OGG1: variants seen among roughly 807,000 people sequenced by gnomAD.
The protein encoded by OGG1 is N-glycosylase/DNA lyase.
Under a neutral mutation model 42.3 loss-of-function variants are expected in OGG1, and 35 were observed. The ratio of observed to expected loss-of-function variants is 0.83; its 90% confidence interval spans 0.63 to 1.10. OGG1 has a LOEUF of 1.10. Ranked by LOEUF, OGG1 falls within the 50% of genes least tolerant of loss-of-function variation. OGG1 has a pLI of 0.00. For synonymous variants in OGG1, 189 were observed against 179.0 expected, an observed-to-expected ratio of 1.06 and a Z score of -0.44; for missense variants, 484 against 446.7, an observed-to-expected ratio of 1.08 and a Z score of -0.75.
chr3:9,760,843 T>C, downstream of OGG1: 1 of 1,595,574 alleles, frequency 6.3e-7, no homozygotes, highest in Non-Finnish European at 8.5e-7. Flanking sequence ...TGGGGCAGTC[T>C]CAGGGGTCAG....
chr3:9,785,709 A>C (rs950617717), intron 3 of OGG1, among the ~76,000 whole-genome samples: 1 of 152,228 alleles, frequency 6.6e-6, no homozygotes, highest in African/African-American at 2.4e-5. Flanking sequence ...GCAACGCACC[A>C]GGCAGTGTGC....
chr3:9,783,257 CAAT>C (rs1157617293), intron 3 of OGG1: 1 of 150,996 alleles, frequency 6.6e-6, no homozygotes, highest in Non-Finnish European at 1.5e-5. Context: ...AATCACACAA[CAAT>C]GTGAATATGG....
chr3:9,777,027 T>G (rs752319252), intron 2 of OGG1, among the ~76,000 whole-genome samples: 7 of 152,216 alleles, frequency 4.6e-5, no homozygotes, highest in African/African-American at 1.7e-4. Context: ...GCCATCACTT[T>G]CTTTTCAGCA....
rs371621260 is a variant in OGG1 at position 9,751,040 on chromosome 3, A to G, written c.233A>G (p.Tyr78Cys). The change falls in exon 2 of 7, where the codon TAC becomes TGC. Residue 78 changes from tyrosine to cysteine, a missense_variant. Transcript: ENST00000344629. The part of the protein sequence containing the change: ...QTEEQLHCTV[Y>C]RGDKSQASRP... ...GAGGAGCAGCTCCACTGCACTGTGT[A>G]CCGAGGAGACAAGAGCCAGGCTAGC... 4.3e-6 allele frequency: 7 copies of G among 1,613,902 alleles called. No homozygotes were observed. The African/African-American group carries it at 5.3e-5, about 12-fold the overall frequency.
downstream of OGG1, chr3:9,759,227 C>T (rs1280508656): frequency 4.3e-6 from 7 of 1,614,036 alleles, no homozygotes; most frequent in Non-Finnish European, 5.9e-6. Context: ...TTTCTCGGAC[C>T]CCATAGGCTG....
chr3:9,790,016 C>A, downstream of OGG1: 1 of 1,525,498 alleles, frequency 6.6e-7, no homozygotes, highest in Non-Finnish European at 8.8e-7. Context: ...CACAGAATAT[C>A]TCTTTCCTCT....
In OGG1 at chr3:9,757,201, C is replaced by T. The variant is rs962361538; in HGVS notation, c.*51C>T. Reference sequence around the variant, plus strand: ...CCCCAAGCACCTTCCCCTCCATTCCCCACTTCTCTCTCCCCATCCCCACCC... The same window carrying T: ...CCCCAAGCACCTTCCCCTCCATTCCTCACTTCTCTCTCCCCATCCCCACCC... On this transcript the variant is annotated 3_prime_UTR_variant, in exon 7 of 7. Transcript: ENST00000344629. The surrounding 1 kb of genome is among the most constrained non-coding windows in gnomAD (Gnocchi z 4.5). 1.2e-6 allele frequency: 2 copies of T among 1,613,698 alleles called. No individual in the cohort carries two copies. Among genetic ancestry groups the T allele is most frequent in the African/African-American group, 1.3e-5 (1 of 74,908 alleles).
downstream of OGG1, among the ~76,000 whole-genome samples, chr3:9,771,713 G>C (rs2078301762): frequency 6.6e-6 from 1 of 151,652 alleles, no homozygotes; most frequent in Non-Finnish European, 1.5e-5. Flanking sequence ...CACCCACTGA[G>C]CTAGGGGTTC....
At chr3:9,750,901 G>A in intron 1 of OGG1, 44 bp from the exon 2 acceptor site, 4 of 1,612,782 alleles carry the variant, frequency 2.5e-6, no homozygotes, top group Non-Finnish European at 3.4e-6. Flanking sequence ...AAGGGTGCAA[G>A]AAAGGAAATT....
At chr3:9,773,102 A>C (rs1367669118) in intron 2 of OGG1, among the ~76,000 whole-genome samples, 1 of 151,818 alleles carries the variant, frequency 6.6e-6, no homozygotes, top group African/African-American at 2.4e-5. Context: ...GGTGGCATGC[A>C]CCTGTATCCC....
chr3:9,788,310 ATC>A (rs1447653775), downstream of OGG1: 1 of 152,192 alleles, frequency 6.6e-6, no homozygotes, highest in Non-Finnish European at 1.5e-5. Flanking sequence ...CAGTGGCACA[ATC>A]TCAGCTCACT....
downstream of OGG1, among the ~76,000 whole-genome samples, chr3:9,788,395 G>A (rs965510848): frequency 7.3e-4 from 111 of 151,722 alleles, no homozygotes; most frequent in Non-Finnish European, 1.3e-3. Context: ...ACAGGCGCCC[G>A]CCACCACGCC....
chr3:9,782,776 G>C (rs2078508476), intron 3 of OGG1, among the ~76,000 whole-genome samples: 1 of 137,372 alleles, frequency 7.3e-6, no homozygotes, highest in Non-Finnish European at 1.6e-5. Flanking sequence ...GGGCAACAGA[G>C]TGAGACACCG....
At chr3:9,758,992 T>G (rs1204407567), downstream of OGG1, 1 of 603,712 alleles carries the variant, frequency 1.7e-6, no homozygotes, top group Non-Finnish European at 3.0e-6. Context: ...CTCAGTGCCC[T>G]CAGGATCAAG....
At chr3:9,752,120 A>G in intron 3 of OGG1, 171 bp downstream of exon 3, 1 of 647,158 alleles carries the variant, frequency 1.5e-6, no homozygotes, top group Non-Finnish European at 2.7e-6. Flanking sequence ...ATGCATCCCT[A>G]AAATGTCAGC....
At chr3:9,790,234 T>G (rs1283432687), downstream of OGG1, among the ~76,000 whole-genome samples, 1 of 152,262 alleles carries the variant, frequency 6.6e-6, no homozygotes, top group Non-Finnish European at 1.5e-5. Flanking sequence ...AGTCACATAC[T>G]GTTTAACAGA....
At chr3:9,755,910 A>C (rs182414410) in intron 4 of OGG1, among the ~76,000 whole-genome samples, 3 of 152,116 alleles carry the variant, frequency 2.0e-5, no homozygotes, top group Non-Finnish European at 4.4e-5. Flanking sequence ...TCACCTTTCA[A>C]AGCCTCAGTT....
chr3:9,760,596 A>G (rs188481420), downstream of OGG1: 6 of 1,563,214 alleles, frequency 3.8e-6, no homozygotes, highest in African/African-American at 5.4e-5. Flanking sequence ...ACCGCCCCCA[A>G]AGCAGGTGAG....
chr3:9,787,228 A>C, intron 3 of OGG1: 1 of 1,614,198 alleles, frequency 6.2e-7, no homozygotes, highest in South Asian at 1.1e-5. Flanking sequence ...CAGTGGCCCC[A>C]TGAGGCCTTT....
Sources: gnomAD v4.1 joint callset for allele counts (sites outside exome capture counted in the v4.1 genomes callset) on GRCh38, gnomAD v4.1.1 for gene constraint, Gnocchi (gnomAD v3.1) non-coding constraint, MANE v1.5 for transcripts, NCBI Gene and HGNC (gene_info 2026-07-23, HGNC 2026-07-21) for gene names.